PDE3B: variants seen among roughly 807,000 people sequenced by gnomAD.
The protein encoded by PDE3B is phosphodiesterase 3B.
In PDE3B, 66 loss-of-function variants were observed where a neutral mutation model predicts 116.8. The observed-to-expected ratio is 0.56, with a 90% CI of 0.46 to 0.69. The LOEUF is 0.69. Ranked by LOEUF, PDE3B falls within the 30% of genes least tolerant of loss-of-function variation. The pLI, the probability that PDE3B is intolerant of heterozygous loss-of-function variation, is 0.00. For missense variants in PDE3B, 1,384 were observed against 1,368.1 expected, an observed-to-expected ratio of 1.01 and a Z score of -0.18; for synonymous variants, 595 against 533.6, an observed-to-expected ratio of 1.12 and a Z score of -1.59.
chr11:14,669,902 A>G (rs1160229243), intron 1 of PDE3B, among the ~76,000 whole-genome samples: 5 of 152,152 alleles, frequency 3.3e-5, no homozygotes, highest in Non-Finnish European at 4.4e-5. Context: ...ATAGGCATAA[A>G]AATGAAAGCA....
chr11:14,824,519 C>T (rs1253989859), intron 7 of PDE3B, among the ~76,000 whole-genome samples: 2 of 152,034 alleles, frequency 1.3e-5, no homozygotes, highest in Non-Finnish European at 2.9e-5. Flanking sequence ...GCAAAAGAGA[C>T]CAAGCTGAGG....
At chr11:14,654,434 G>T (rs1853650390) in intron 1 of PDE3B, among the ~76,000 whole-genome samples, 1 of 152,116 alleles carries the variant, frequency 6.6e-6, no homozygotes, top group Non-Finnish European at 1.5e-5. Flanking sequence ...TGTCAAACTA[G>T]AAATCAGTGC....
At chr11:14,652,617 T>C (rs1480738665) in intron 1 of PDE3B, among the ~76,000 whole-genome samples, 1 of 152,212 alleles carries the variant, frequency 6.6e-6, no homozygotes, top group Non-Finnish European at 1.5e-5. Flanking sequence ...TATATTCACA[T>C]TGTTGTGAAA....
chr11:14,855,556 A>T (rs1555006041), intron 12 of PDE3B, among the ~76,000 whole-genome samples: 4 of 152,178 alleles, frequency 2.6e-5, no homozygotes, highest in African/African-American at 9.7e-5. Context: ...GCATTGTTAT[A>T]TTAAATAAAA....
At chr11:14,648,005 G>A (rs1853461477) in intron 1 of PDE3B, among the ~76,000 whole-genome samples, 1 of 151,188 alleles carries the variant, frequency 6.6e-6, no homozygotes, top group South Asian at 2.1e-4. Context: ...TGCTTTGGTG[G>A]GTTAATGGAA....
intron 1 of PDE3B, among the ~76,000 whole-genome samples, chr11:14,665,897 A>G (rs1167648643): frequency 6.6e-6 from 1 of 152,204 alleles, no homozygotes; most frequent in African/African-American, 2.4e-5. Flanking sequence ...CCATCAAGCT[A>G]CCAATGACTT....
chr11:14,722,060 C>G (rs528335684), intron 1 of PDE3B, among the ~76,000 whole-genome samples: 8 of 143,804 alleles, frequency 5.6e-5, no homozygotes, highest in African/African-American at 1.8e-4. Context: ...ATCGCCAGGA[C>G]AAAAAACAAA....
chr11:14,814,698 G>A (rs564558359), intron 5 of PDE3B, among the ~76,000 whole-genome samples: 2 of 152,296 alleles, frequency 1.3e-5, no homozygotes, highest in South Asian at 4.1e-4. Context: ...GGTGGCTCAC[G>A]CCTGTAATCT....
At chr11:14,750,077 C>T (rs986150203) in intron 1 of PDE3B, among the ~76,000 whole-genome samples, 3 of 151,040 alleles carry the variant, frequency 2.0e-5, no homozygotes, top group Non-Finnish European at 4.4e-5. Context: ...AGTGTTGTAG[C>T]TCAAGCTGTC....
In PDE3B at chr11:14,871,372, T is replaced by C. The variant is rs1174912935; in HGVS notation, c.*1712T>C. 2 of 152,172 alleles carry C rather than the reference T, an allele frequency of 1.3e-5. No homozygotes were observed. Among genetic ancestry groups the C allele is most frequent in the Non-Finnish European group, 2.9e-5 (2 of 68,010 alleles). The allele number at this position is 152,172 out of a possible 1,614,324, so 9.4% of individuals were successfully genotyped here. Reference sequence around the variant, plus strand: ...ATAAAATTTTGACTGATAATTTATATTTGCACTTACAATATATATATCCTG... The same window carrying C: ...ATAAAATTTTGACTGATAATTTATACTTGCACTTACAATATATATATCCTG... On this transcript the variant is annotated 3_prime_UTR_variant, in exon 16 of 16. Transcript: ENST00000282096.
At chr11:14,650,939 T>C (rs1462194547) in intron 1 of PDE3B, among the ~76,000 whole-genome samples, 2 of 151,948 alleles carry the variant, frequency 1.3e-5, no homozygotes, top group Non-Finnish European at 2.9e-5. Context: ...CTTGCAGACC[T>C]ACGAGATACA....
Position 14,830,731 on chromosome 11 carries a change from T to TC in PDE3B, c.1842dup (p.Lys615GlnfsTer24), listed in dbSNP as rs1288519933. ...GAAAACATTTTCTCGAAAGAATCATTCAAACTTATGGAAACTCAACAAGAA... is the reference window on the plus strand; with the variant it reads ...GAAAACATTTTCTCGAAAGAATCATTCCAAACTTATGGAAACTCAACAAGAA... On this transcript the variant is annotated frameshift_variant, in exon 8 of 16. Coordinates refer to ENST00000282096, the MANE Select transcript of PDE3B (RefSeq NM_000922.4). LOFTEE classifies it high-confidence loss of function. The TC allele has an allele frequency of 6.7e-7, 1 of 1,488,150 alleles. No individual in the cohort carries two copies. Among genetic ancestry groups the TC allele is most frequent in the African/African-American group, 1.5e-5 (1 of 68,602 alleles). The allele number at this position is 1,488,150 out of a possible 1,614,324, so 92.2% of individuals were successfully genotyped here.
intron 14 of PDE3B, 59 bp downstream of exon 14, chr11:14,861,425 C>CT: frequency 6.7e-7 from 1 of 1,494,944 alleles, no homozygotes; most frequent in Admixed American, 1.7e-5. Context: ...AGACACTACT[C>CT]TTTGGGTTTT....
chr11:14,652,176 C>G (rs1853590034), intron 1 of PDE3B, among the ~76,000 whole-genome samples: 1 of 151,818 alleles, frequency 6.6e-6, no homozygotes, highest in Non-Finnish European at 1.5e-5. Context: ...AGGTAATGGT[C>G]CAACTTTATT....
chr11:14,867,719 GA>G lies in PDE3B; in HGVS notation c.3101del (p.Asp1034ValfsTer11), dbSNP rs781923498. The G allele has an allele frequency of 1.2e-6, 2 of 1,611,556 alleles. No homozygotes were observed. The highest frequency in any genetic ancestry group is 1.3e-5 in the African/African-American group (1 of 74,870). On this transcript the variant is annotated frameshift_variant, in exon 15 of 16. Coordinates refer to ENST00000282096, the MANE Select transcript of PDE3B (RefSeq NM_000922.4). LOFTEE classifies it high-confidence loss of function. ...TGATGATGAAGACGGTGAAGAATTA[GA>G]TACAGAAGATGAAGAAATGGAAAAC... Reference protein sequence around the residue: ...SGDDEDGEELDTEDEEMENNL... With the variant: ...SGDDEDGEELXTEDEEMENNL...
chr11:14,864,175 C>T (rs1012315418), intron 14 of PDE3B, among the ~76,000 whole-genome samples: 1 of 152,112 alleles, frequency 6.6e-6, no homozygotes, highest in Non-Finnish European at 1.5e-5. Flanking sequence ...ATGAAACAGA[C>T]TTTAAACCAA....
At chr11:14,648,980 T>G (rs1475777881) in intron 1 of PDE3B, among the ~76,000 whole-genome samples, 1 of 152,104 alleles carries the variant, frequency 6.6e-6, no homozygotes, top group African/African-American at 2.4e-5. Flanking sequence ...GAGAACAAAT[T>G]ATAGCAGAAT....
chr11:14,879,502 T>C, the PDE3B span: 1 of 1,340,042 alleles, frequency 7.5e-7, no homozygotes, highest in Non-Finnish European at 1.0e-6. Flanking sequence ...CCTAAAGTTA[T>C]TTCCCTCTGG....
intron 1 of PDE3B, among the ~76,000 whole-genome samples, chr11:14,679,843 A>T (rs1177178027): frequency 2.0e-5 from 3 of 151,986 alleles, no homozygotes; most frequent in Admixed American, 2.0e-4. Flanking sequence ...CACGGAATGG[A>T]GCAAAGTCCA....
Sources: allele counts gnomAD v4.1 joint callset (sites outside exome capture counted in the v4.1 genomes callset), GRCh38; gene constraint gnomAD v4.1.1; transcripts MANE v1.5; gene names NCBI Gene and HGNC (gene_info 2026-07-23, HGNC 2026-07-21).